The following SUCLG2 variants were observed in gnomAD, a reference collection of about 807,000 sequenced individuals.
The protein encoded by SUCLG2 is succinate--CoA ligase [GDP-forming] subunit beta, mitochondrial.
Under a neutral mutation model 47.9 loss-of-function variants are expected in SUCLG2, and 42 were observed. The ratio of observed to expected loss-of-function variants is 0.88; its 90% CI spans 0.69 to 1.14. SUCLG2 has a LOEUF of 1.14. SUCLG2 is among the 50% of genes most tolerant of loss of function. The pLI, the probability that SUCLG2 is intolerant of heterozygous loss-of-function variation, is 0.00. For missense variants in SUCLG2, 571 were observed against 525.9 expected (o/e 1.09, Z -0.84); for synonymous variants, 195 against 197.3 (o/e 0.99, Z 0.10).
At chr3:67,600,399 G>A (rs781651928) in intron 2 of SUCLG2, among the ~76,000 whole-genome samples, 1 of 152,142 alleles carries the variant, frequency 6.6e-6, no homozygotes, top group Non-Finnish European at 1.5e-5. Context: ...AATGTGTTTC[G>A]TTTATCTTTG....
At chr3:67,618,081 C>A (rs1700662390) in intron 1 of SUCLG2, among the ~76,000 whole-genome samples, 2 of 152,090 alleles carry the variant, frequency 1.3e-5, no homozygotes, top group South Asian at 4.1e-4. Flanking sequence ...CAGTAATTTG[C>A]AAAAGGAAGA....
rs1043758070 is a variant in SUCLG2 at position 67,510,578 on chromosome 3, C to T, written c.661-1675G>A. 3.3e-5 allele frequency among the ~76,000 whole-genome samples: 5 copies of T among 152,262 alleles called. No individual in the cohort carries two copies. In the East Asian group the frequency reaches 9.6e-4, roughly 29 times the overall value. On this transcript the variant is annotated intron_variant, in intron 6 of 10. Transcript: ENST00000307227. Reference sequence around the variant, plus strand: ...TCCTCCTTCATCTGTCTTAAAAAAGCAAACTTGTTCCAATACCTCTTTACT... The same window carrying T: ...TCCTCCTTCATCTGTCTTAAAAAAGTAAACTTGTTCCAATACCTCTTTACT...
intron 1 of SUCLG2, among the ~76,000 whole-genome samples, chr3:67,627,641 G>A (rs1700857269): frequency 6.6e-6 from 1 of 152,330 alleles, no homozygotes; most frequent in East Asian, 1.9e-4. Context: ...CCCATATGGG[G>A]CACACTATAG....
In SUCLG2 at chr3:67,484,531, C is replaced by A. The variant is rs907203264; in HGVS notation, c.1062+11267G>T. On this transcript the variant is annotated intron_variant, in intron 9 of 10. Coordinates refer to ENST00000307227, the MANE Select transcript of SUCLG2 (RefSeq NM_003848.4). ...TGAAGTATACAATAGTTGCATAAAA[C>A]AAAAACCTTGAATGGGGAGAAAATT... is the stretch of plus-strand genomic sequence containing the variant. Among the ~76,000 whole-genome samples, 21 of 152,092 alleles carry A rather than the reference C, an allele frequency of 1.4e-4. 1 individual carries two copies. The highest frequency in any genetic ancestry group is 2.2e-4 in the Non-Finnish European group (15 of 68,012).
At chr3:67,367,226 T>C (rs1277297554) in intron 10 of SUCLG2, among the ~76,000 whole-genome samples, 1 of 152,166 alleles carries the variant, frequency 6.6e-6, no homozygotes, top group Non-Finnish European at 1.5e-5. Flanking sequence ...GTTATTTGAA[T>C]AGATCAGCTT....
chr3:67,510,542 A>G (rs1371109772), intron 6 of SUCLG2, among the ~76,000 whole-genome samples: 1 of 152,192 alleles, frequency 6.6e-6, no homozygotes, highest in Non-Finnish European at 1.5e-5. Flanking sequence ...TATGCCTAAC[A>G]CAGTACGCAT....
chr3:67,570,941 C>A (rs1293263211), intron 2 of SUCLG2, among the ~76,000 whole-genome samples: 1 of 152,190 alleles, frequency 6.6e-6, no homozygotes, highest in Admixed American at 6.5e-5. Flanking sequence ...AAACCTCACA[C>A]TTGCAGTCAG....
intron 9 of SUCLG2, among the ~76,000 whole-genome samples, chr3:67,412,445 T>C (rs1290850480): frequency 3.3e-5 from 5 of 152,134 alleles, no homozygotes; most frequent in Non-Finnish European, 7.4e-5. Flanking sequence ...TGCTGCAGAA[T>C]TGTCAGGGGC....
At chr3:67,574,968 T>C (rs1337597576) in intron 2 of SUCLG2, among the ~76,000 whole-genome samples, 4 of 152,186 alleles carry the variant, frequency 2.6e-5, no homozygotes, top group African/African-American at 9.7e-5. Context: ...ACTGCATTAG[T>C]CAGTTAGAAA....
At chr3:67,451,621 A>G (rs1439548666) in intron 9 of SUCLG2, among the ~76,000 whole-genome samples, 3 of 149,274 alleles carry the variant, frequency 2.0e-5, no homozygotes, top group South Asian at 4.2e-4. Context: ...CACAATGACT[A>G]TTTTCATAGA....
At chr3:67,415,068 C>G (rs1025002542) in intron 9 of SUCLG2, among the ~76,000 whole-genome samples, 1 of 152,150 alleles carries the variant, frequency 6.6e-6, no homozygotes, top group Admixed American at 6.5e-5. Context: ...GTTGCCTAGG[C>G]TGGTCCCGAA....
At chr3:67,373,326 T>C (rs1436697124), downstream of SUCLG2, among the ~76,000 whole-genome samples, 1 of 151,980 alleles carries the variant, frequency 6.6e-6, no homozygotes, top group Admixed American at 6.6e-5. Context: ...TGTAGAAGAA[T>C]TGTAATTTAA....
intron 2 of SUCLG2, among the ~76,000 whole-genome samples, chr3:67,598,495 C>A (rs527797452): frequency 2.0e-5 from 3 of 152,150 alleles, no homozygotes; most frequent in East Asian, 1.9e-4. Context: ...ATCACCTACA[C>A]CGAAGAGACA....
Position 67,520,617 on chromosome 3 carries a change from G to T in SUCLG2, c.435C>A (p.Ala145=). Residue 145 remains alanine (A), a synonymous_variant, in exon 5 of 11, where the codon GCC becomes GCA. Transcript: ENST00000307227. ...GGTAGGTTTCTCTGGAAATATCCAA[G>T]GCTTCAGCAACCATCACCTACCACA... ...VKVNKVMVAE[A]LDISRETYLA... 1.2e-6 allele frequency: 2 copies of T among 1,612,794 alleles called. No homozygotes were observed. Among genetic ancestry groups the T allele is most frequent in the Non-Finnish European group, 1.7e-6 (2 of 1,179,558 alleles).
In SUCLG2 at chr3:67,446,423, T is replaced by G. The variant is rs1234177861; in HGVS notation, c.1063-45572A>C. ...TAAATATGTACATATGTACATTTTT[T>G]TTTTTTTTTTTTTTTTTTTTTTTTT... On this transcript the variant is annotated intron_variant, in intron 9 of 10. Coordinates refer to ENST00000307227, the MANE Select transcript of SUCLG2 (RefSeq NM_003848.4). 1.0e-3 allele frequency among the ~76,000 whole-genome samples: 82 copies of G among 79,824 alleles called. 1 individual carries two copies. Among genetic ancestry groups the G allele is most frequent in the African/African-American group, 4.2e-3 (73 of 17,196 alleles). 52.4% of individuals were successfully genotyped at this position (79,824 alleles called of 152,430 possible). A position where few individuals can be genotyped will look rare whatever the true frequency, so the allele number is the denominator to read the frequency against.
At chr3:67,383,481 G>T (rs1188154536) in intron 10 of SUCLG2, among the ~76,000 whole-genome samples, 1 of 152,092 alleles carries the variant, frequency 6.6e-6, no homozygotes, top group African/African-American at 2.4e-5. Flanking sequence ...ATTCTGTGTG[G>T]CTGTATTGTA....
intron 9 of SUCLG2, among the ~76,000 whole-genome samples, chr3:67,475,988 C>CTCT (rs1704741948): frequency 1.4e-5 from 2 of 146,050 alleles, no homozygotes; most frequent in African/African-American, 5.0e-5. Flanking sequence ...TTTCCTTCTC[C>CTCT]CTCTCTCTCT....
At chr3:67,535,689 T>C (rs1050903146) in intron 2 of SUCLG2, among the ~76,000 whole-genome samples, 2 of 152,162 alleles carry the variant, frequency 1.3e-5, no homozygotes, top group East Asian at 1.9e-4. Flanking sequence ...CCTGGGTCCA[T>C]ATGGCTCAGC....
chr3:67,456,955 T>C (rs911891984), intron 9 of SUCLG2, among the ~76,000 whole-genome samples: 1 of 152,210 alleles, frequency 6.6e-6, no homozygotes, highest in East Asian at 1.9e-4. Flanking sequence ...CTTTATGTAG[T>C]TTTTGAAAAT....
Sources: gnomAD v4.1 joint callset for allele counts (sites outside exome capture counted in the v4.1 genomes callset) on GRCh38, gnomAD v4.1.1 for gene constraint, MANE v1.5 for transcripts, NCBI Gene and HGNC (gene_info 2026-07-23, HGNC 2026-07-21) for gene names.